ATXN7L1: variants seen among roughly 807,000 people sequenced by gnomAD.
ATXN7L1 encodes the protein ataxin-7-like protein 1.
ATXN7L1 carries 15 observed loss-of-function variants against 70.8 expected under a neutral mutation model. The observed-to-expected ratio is 0.21, with a 90% CI of 0.14 to 0.33. The LOEUF (loss-of-function observed/expected upper bound fraction) is 0.33, where lower values mean the gene tolerates loss of function less well. Ranked by LOEUF, ATXN7L1 falls within the 10% of genes least tolerant of loss-of-function variation. The pLI, the probability that ATXN7L1 is intolerant of heterozygous loss-of-function variation, is 1.00. For missense variants in ATXN7L1, 975 were observed against 1,097.1 expected, an observed-to-expected ratio of 0.89 and a Z score of 1.57; for synonymous variants, 440 against 445.1, an observed-to-expected ratio of 0.99 and a Z score of 0.14.
intron 8 of ATXN7L1, among the ~76,000 whole-genome samples, chr7:105,623,252 T>G (rs1795198100): frequency 1.3e-5 from 2 of 152,112 alleles, no homozygotes; most frequent in Admixed American, 1.3e-4. Context: ...TTACACAGTC[T>G]AGAGACAGAG....
intron 3 of ATXN7L1, chr7:105,760,234 G>A (rs1800370735): frequency 1.0e-6 from 1 of 984,426 alleles, no homozygotes; most frequent in African/African-American, 1.8e-5. Context: ...TCATGCACTG[G>A]GAAAAGTGAC....
chr7:105,833,136 C>G (rs774238678), intron 2 of ATXN7L1, among the ~76,000 whole-genome samples: 1 of 152,168 alleles, frequency 6.6e-6, no homozygotes, highest in Non-Finnish European at 1.5e-5. Flanking sequence ...CCCCTCTGAC[C>G]TCCCACCCTA....
At chr7:105,737,528 CGTGTGTGTGTGTGTGT>C (rs71520935) in intron 3 of ATXN7L1, among the ~76,000 whole-genome samples, 8 of 148,696 alleles carry the variant, frequency 5.4e-5, no homozygotes, top group South Asian at 2.1e-4. Flanking sequence ...CTAACGTCCC[CGTGTGTGTGTGTGTGT>C]GTGTGTGTGT....
At chr7:105,865,173 A>G (rs1228727618) in intron 2 of ATXN7L1, among the ~76,000 whole-genome samples, 1 of 152,214 alleles carries the variant, frequency 6.6e-6, no homozygotes, top group Non-Finnish European at 1.5e-5. Context: ...GGCTTCCATT[A>G]CTGAGTACCT....
intron 2 of ATXN7L1, among the ~76,000 whole-genome samples, chr7:105,829,178 T>C (rs1485769885): frequency 6.6e-6 from 1 of 152,126 alleles, no homozygotes; most frequent in East Asian, 1.9e-4. Context: ...TCCCAGCACT[T>C]TGGGAGGCTG....
At chr7:105,702,596 A>G (rs1792599972) in intron 3 of ATXN7L1, among the ~76,000 whole-genome samples, 1 of 152,116 alleles carries the variant, frequency 6.6e-6, no homozygotes, top group Non-Finnish European at 1.5e-5. Flanking sequence ...AGGGCGAATC[A>G]CATCTTTTAA....
chr7:105,832,759 A>G (rs1811805282), intron 2 of ATXN7L1, among the ~76,000 whole-genome samples: 1 of 152,172 alleles, frequency 6.6e-6, no homozygotes, highest in Non-Finnish European at 1.5e-5. Flanking sequence ...TGCTTCTTAC[A>G]CAAGTCTGCC....
At chr7:105,766,590 T>C (rs776700639) in intron 3 of ATXN7L1, among the ~76,000 whole-genome samples, 1 of 152,086 alleles carries the variant, frequency 6.6e-6, no homozygotes, top group Non-Finnish European at 1.5e-5. Flanking sequence ...AAATGGGACA[T>C]GTGATGAAAA....
chr7:105,834,884 C>T lies in ATXN7L1; in HGVS notation c.250+40928G>A, dbSNP rs142060338. Among the ~76,000 whole-genome samples the T allele has an allele frequency of 7.8e-3, 1,181 of 152,070 alleles. 7 individuals carry two copies. Among genetic ancestry groups the T allele is most frequent in the Non-Finnish European group, 0.014 (924 of 67,990 alleles). On this transcript the variant is annotated intron_variant, in intron 2 of 11. Transcript: ENST00000419735. ...GGAGGGGAGAGGGCTGCAGACGAAA[C>T]GCAATCTAGCAGCCAAAACCAGGGT...
chr7:105,812,589 A>C (rs1434563925), intron 2 of ATXN7L1, among the ~76,000 whole-genome samples: 2 of 152,218 alleles, frequency 1.3e-5, no homozygotes, highest in Non-Finnish European at 1.5e-5. Context: ...GCAGGAAAGA[A>C]GCCTGTAACA....
Position 105,764,272 on chromosome 7 carries a change from A to G in ATXN7L1, c.355+24332T>C, listed in dbSNP as rs144962973. On this transcript the variant is annotated intron_variant, in intron 3 of 11. Coordinates refer to ENST00000419735, the MANE Select transcript of ATXN7L1 (RefSeq NM_020725.2). ...CAAAATCAGACAGAGATAGATGTCA[A>G]TTTTCTAGAAGGCTTGGCAAAGCTT... Among the ~76,000 whole-genome samples, 483 of 151,192 alleles carry G rather than the reference A, an allele frequency of 3.2e-3. 4 individuals carry two copies. Among genetic ancestry groups the G allele is most frequent in the African/African-American group, 9.9e-3 (407 of 41,108 alleles).
chr7:105,634,919 GA>G (rs113359621), intron 7 of ATXN7L1, among the ~76,000 whole-genome samples: 322 of 140,144 alleles, frequency 2.3e-3, no homozygotes, highest in Non-Finnish European at 2.5e-3. Flanking sequence ...GTCTCTACAG[GA>G]AAAAAAAAAA....
At chr7:105,731,842 C>T (rs1429011073) in intron 3 of ATXN7L1, among the ~76,000 whole-genome samples, 1 of 140,244 alleles carries the variant, frequency 7.1e-6, no homozygotes, top group Non-Finnish European at 1.5e-5. Context: ...CCTGTAATTC[C>T]AGCATTTTGG....
chr7:105,674,275 T>C (rs148712157), intron 3 of ATXN7L1, among the ~76,000 whole-genome samples: 1 of 152,326 alleles, frequency 6.6e-6, no homozygotes, highest in Non-Finnish European at 1.5e-5. Context: ...CCCTAGGCTC[T>C]GGGATGGTTT....
intron 4 of ATXN7L1, among the ~76,000 whole-genome samples, chr7:105,654,996 A>G (rs575612562): frequency 4.1e-4 from 61 of 150,562 alleles, no homozygotes; most frequent in South Asian, 1.3e-3. Context: ...TGCCCGCTTC[A>G]GTCTCCCAAA....
chr7:105,737,279 T>G (rs1451927143), intron 3 of ATXN7L1, among the ~76,000 whole-genome samples: 2 of 152,252 alleles, frequency 1.3e-5, no homozygotes, highest in African/African-American at 4.8e-5. Context: ...TCTTTCTCAC[T>G]CTAATAAACT....
At chr7:105,779,109 C>T (rs946701312) in intron 3 of ATXN7L1, among the ~76,000 whole-genome samples, 1 of 152,228 alleles carries the variant, frequency 6.6e-6, no homozygotes, top group East Asian at 1.9e-4. Flanking sequence ...AAACATATAA[C>T]TGATGTAGTA....
intron 2 of ATXN7L1, among the ~76,000 whole-genome samples, chr7:105,824,324 G>C (rs1389140772): frequency 6.6e-6 from 1 of 152,004 alleles, no homozygotes; most frequent in African/African-American, 2.4e-5. Flanking sequence ...AAATATGAAT[G>C]GCCAAGAATC....
intron 7 of ATXN7L1, among the ~76,000 whole-genome samples, chr7:105,631,968 C>T (rs981082391): frequency 6.6e-6 from 1 of 152,206 alleles, no homozygotes; most frequent in Non-Finnish European, 1.5e-5. Context: ...AGGTTTCTAT[C>T]TTTGAGAAAC....
Sources: allele counts gnomAD v4.1 joint callset (sites outside exome capture counted in the v4.1 genomes callset), GRCh38; gene constraint gnomAD v4.1.1; transcripts MANE v1.5; gene names NCBI Gene and HGNC (gene_info 2026-07-23, HGNC 2026-07-21).